The following JHY variants were observed in gnomAD, a reference collection of about 807,000 sequenced individuals.
The protein encoded by JHY is jhy protein homolog.
In JHY, 69 loss-of-function variants were observed where a neutral mutation model predicts 78.0. That is an observed-to-expected ratio of 0.88 (90% CI 0.73 to 1.08). The LOEUF (loss-of-function observed/expected upper bound fraction) is 1.08, where lower values mean the gene tolerates loss of function less well. Among genes scored for constraint, JHY ranks in the 50% least tolerant of loss-of-function variants. The probability of loss-of-function intolerance (pLI) is 0.00; values close to 1 mark genes in which losing one functional copy is unlikely to be tolerated. For synonymous variants in JHY, 368 were observed against 342.6 expected (o/e 1.07, Z -0.82); for missense variants, 944 against 927.8 (o/e 1.02, Z -0.23).
intron 6 of JHY, among the ~76,000 whole-genome samples, chr11:122,951,303 A>G (rs1223281295): frequency 1.3e-5 from 2 of 152,184 alleles, no homozygotes. Flanking sequence ...GGCAAACAGT[A>G]TAAAAATATC....
At chr11:122,924,837 CCAT>C in intron 3 of JHY, 57 bp from the exon 4 acceptor site, 1 of 1,356,526 alleles carries the variant, frequency 7.4e-7, no homozygotes, top group Non-Finnish European at 1.0e-6. Flanking sequence ...GACTTGAGTC[CCAT>C]GGCTCTAAGA....
intron 5 of JHY, among the ~76,000 whole-genome samples, chr11:122,938,340 G>A (rs1409219581): frequency 6.6e-6 from 1 of 151,876 alleles, no homozygotes; most frequent in Admixed American, 6.6e-5. Flanking sequence ...TGTCTGGGAG[G>A]GTTTCTCAGT....
chr11:122,934,625 C>G lies in JHY; in HGVS notation c.1184C>G (p.Pro395Arg). 4 of 1,614,052 alleles carry G rather than the reference C, an allele frequency of 2.5e-6. No homozygotes were observed. The highest frequency in any genetic ancestry group is 2.5e-6 in the Non-Finnish European group (3 of 1,180,006). ...AGTCAGGGGAACCAGAATAACCCTC[C>G]CAGGCAGCAACAAAACCAAAATAAG... ...TASQGNQNNPPRQQQNQNKPL... is the reference protein window; with the variant it reads ...TASQGNQNNPRRQQQNQNKPL... The change falls in exon 5 of 9, where the codon CCC (proline) becomes CGC (arginine). Residue 395 changes from proline to arginine, a missense_variant. Physicochemically the swap from Pro to Arg is moderately radical, Grantham distance 103. Coordinates refer to ENST00000227349, the MANE Select transcript of JHY (RefSeq NM_024806.4).
At position 122,923,386 on chromosome 11, in the gene JHY, A is replaced by T. The variant is rs368658280; in HGVS notation, c.865-1511A>T. ...TGACAAACAGGTAAGTCTTGCCAGG[A>T]AATGGGGCATGAATTTAGGCAGACA... is the stretch of plus-strand genomic sequence containing the variant. On this transcript the variant is annotated intron_variant, in intron 3 of 8. Transcript: ENST00000227349. Among the ~76,000 whole-genome samples, 7 of 152,328 alleles carry T rather than the reference A, an allele frequency of 4.6e-5. 1 individual carries two copies. In the South Asian group the frequency reaches 1.0e-3, roughly 23 times the overall value.
intron 5 of JHY, among the ~76,000 whole-genome samples, chr11:122,943,456 G>GCCTGATTTGCAAA: frequency 6.6e-6 from 1 of 152,226 alleles, no homozygotes; most frequent in Admixed American, 6.5e-5. Flanking sequence ...TACATTCTAT[G>GCCTGATTTGCAAA]TACGAGTAGG....
chr11:122,926,434 TAGAA>T (rs1863508584), intron 4 of JHY, among the ~76,000 whole-genome samples: 1 of 151,918 alleles, frequency 6.6e-6, no homozygotes, highest in Admixed American at 6.6e-5. Context: ...TCAGAGAGGT[TAGAA>T]AGAAGGGACA....
intron 5 of JHY, among the ~76,000 whole-genome samples, chr11:122,941,064 T>C (rs1014765355): frequency 6.6e-6 from 1 of 152,208 alleles, no homozygotes; most frequent in Admixed American, 6.5e-5. Context: ...GGCATAGTAA[T>C]ATGTTCTAGG....
At chr11:122,939,271 C>T (rs1158013843) in intron 5 of JHY, among the ~76,000 whole-genome samples, 2 of 152,156 alleles carry the variant, frequency 1.3e-5, no homozygotes, top group African/African-American at 4.8e-5. Context: ...CAGGCGTGAG[C>T]CACCGCACCC....
intron 2 of JHY, among the ~76,000 whole-genome samples, chr11:122,893,294 G>A (rs999090179): frequency 2.6e-5 from 4 of 152,200 alleles, no homozygotes; most frequent in South Asian, 2.1e-4. Context: ...GTTAAACCCC[G>A]ACACACTCCT....
chr11:122,885,538 C>T (rs1862476671), intron 1 of JHY, among the ~76,000 whole-genome samples: 1 of 152,168 alleles, frequency 6.6e-6, no homozygotes, highest in Non-Finnish European at 1.5e-5. Context: ...AATAAAACTG[C>T]ATTCGATTAC....
At chr11:122,955,891 A>T (rs544252906) in intron 6 of JHY, among the ~76,000 whole-genome samples, 1 of 152,302 alleles carries the variant, frequency 6.6e-6, no homozygotes, top group South Asian at 2.1e-4. Flanking sequence ...CACTGTGTTT[A>T]TCTGGTGCAT....
intron 2 of JHY, among the ~76,000 whole-genome samples, chr11:122,895,111 C>T (rs137893527): frequency 2.0e-5 from 3 of 152,188 alleles, no homozygotes; most frequent in African/African-American, 7.2e-5. Flanking sequence ...TTCAGAAATC[C>T]TTGGAAACAA....
At chr11:122,927,752 C>T (rs368556777) in intron 4 of JHY, among the ~76,000 whole-genome samples, 3 of 142,040 alleles carry the variant, frequency 2.1e-5, no homozygotes, top group East Asian at 4.1e-4. Context: ...TTTTTTGAGA[C>T]GGAGTTTTGT....
intron 2 of JHY, among the ~76,000 whole-genome samples, chr11:122,896,928 C>T (rs772418245): frequency 2.7e-4 from 41 of 152,172 alleles, no homozygotes; most frequent in Admixed American, 8.5e-4. Context: ...ATGATCTCGG[C>T]GCACTGCACC....
Position 122,958,641 on chromosome 11 carries a change from G to A in JHY, c.2140-607G>A, listed in dbSNP as rs80262233. 1.0e-3 allele frequency: 795 copies of A among 776,632 alleles called. 16 individuals are homozygous for A. In the East Asian group the frequency reaches 0.036, roughly 36 times the overall value. The allele number at this position is 776,632 out of a possible 1,614,324, so 48.1% of individuals were successfully genotyped here. A position where few individuals can be genotyped will look rare whatever the true frequency, so the allele number is the denominator to read the frequency against. ...ACTAAAATGCAAAACTGTTATAAAG[G>A]CAGGTTTAGGAATCATATTTAGTGA... On this transcript the variant is annotated intron_variant, in intron 8 of 8. Transcript: ENST00000227349.
chr11:122,904,940 A>G (rs1319062845), intron 3 of JHY, among the ~76,000 whole-genome samples: 1 of 152,136 alleles, frequency 6.6e-6, no homozygotes, highest in Non-Finnish European at 1.5e-5. Context: ...GCCCCAGCTC[A>G]CATACAGAAG....
At chr11:122,952,137 G>C (rs921073021) in intron 6 of JHY, among the ~76,000 whole-genome samples, 10 of 152,046 alleles carry the variant, frequency 6.6e-5, no homozygotes, top group Non-Finnish European at 1.3e-4. Context: ...GTTGCCTAGG[G>C]CTGGAGGCGG....
chr11:122,932,304 A>G (rs899957414), intron 4 of JHY, among the ~76,000 whole-genome samples: 1 of 152,176 alleles, frequency 6.6e-6, no homozygotes, highest in African/African-American at 2.4e-5. Flanking sequence ...GGGCACTTAT[A>G]TGTATGTGAA....
In JHY at chr11:122,924,998, A is replaced by G. The variant is rs201780035; in HGVS notation, c.966A>G (p.Ala322=). 4.0e-5 allele frequency: 64 copies of G among 1,612,662 alleles called. No homozygotes were observed. In the East Asian group the frequency reaches 8.5e-4, roughly 21 times the overall value. The change falls in exon 4 of 9, where the codon GCA becomes GCG. Residue 322 remains alanine (A), a synonymous_variant. Coordinates refer to ENST00000227349, the MANE Select transcript of JHY (RefSeq NM_024806.4). ...CTGAAGATAAATGGCATCAAAGAGC[A>G]CAACAGCTAAAGGTTACCTGCTAGA... is the stretch of plus-strand genomic sequence containing the variant. ...IDPEDKWHQR[A]QQLKNYQEHW... is the part of the protein sequence containing the mutation.
Sources: gnomAD v4.1 joint callset for allele counts (sites outside exome capture counted in the v4.1 genomes callset) on GRCh38, gnomAD v4.1.1 for gene constraint, MANE v1.5 for transcripts, NCBI Gene and HGNC (gene_info 2026-07-23, HGNC 2026-07-21) for gene names.